UPP2: variants seen among roughly 807,000 people sequenced by gnomAD.
UPP2 encodes the protein uridine phosphorylase 2.
Under a neutral mutation model 26.7 loss-of-function variants are expected in UPP2, and 23 were observed. The observed-to-expected ratio is 0.86, with a 90% CI of 0.62 to 1.22. The LOEUF (loss-of-function observed/expected upper bound fraction) is 1.22. UPP2 is among the 50% of genes most tolerant of loss of function. The pLI is 0.00. For synonymous variants in UPP2, 127 were observed against 141.3 expected (o/e 0.90, Z 0.72); for missense variants, 387 against 396.7 (o/e 0.98, Z 0.21).
chr2:158,020,781 G>T lies in UPP2; in HGVS notation c.147+4895G>T, dbSNP rs373312822. 1.4e-4 allele frequency among the ~76,000 whole-genome samples: 21 copies of T among 152,344 alleles called. 1 individual carries two copies. Among genetic ancestry groups the T allele is most frequent in the Admixed American group, 9.1e-4 (14 of 15,308 alleles). ...TAAACACAATCCCTGTGGACCAGAGGCCAGTGAGCTGGCATAAATAAGTGG... is the reference window on the plus strand; with the variant it reads ...TAAACACAATCCCTGTGGACCAGAGTCCAGTGAGCTGGCATAAATAAGTGG... On this transcript the variant is annotated intron_variant, in intron 3 of 9. Transcript: ENST00000605860.
chr2:158,050,283 G>A (rs981727), intron 3 of UPP2, among the ~76,000 whole-genome samples: 106,403 of 152,094 alleles, frequency 0.7, 37,424 homozygotes, highest in African/African-American at 0.73. Context: ...TTAAGAAAGT[G>A]TGAGAGGCAT....
At chr2:158,075,351 A>T (rs573172669) in intron 3 of UPP2, among the ~76,000 whole-genome samples, 1 of 152,168 alleles carries the variant, frequency 6.6e-6, no homozygotes, top group East Asian at 1.9e-4. Context: ...TAAAAATGTG[A>T]ATGTTTTAAG....
chr2:158,105,787 T>G (rs1323611158), intron 1 of UPP2, among the ~76,000 whole-genome samples: 1 of 152,214 alleles, frequency 6.6e-6, no homozygotes, highest in African/African-American at 2.4e-5. Flanking sequence ...GTTGTTAATC[T>G]TGCACAAGTT....
chr2:158,081,036 T>C (rs1358259297), intron 3 of UPP2, among the ~76,000 whole-genome samples: 1 of 152,208 alleles, frequency 6.6e-6, no homozygotes, highest in Non-Finnish European at 1.5e-5. Flanking sequence ...CTCTTCTAAA[T>C]GTTGATTTAG....
chr2:158,093,275 C>CAT (rs1682938211), intron 3 of UPP2, among the ~76,000 whole-genome samples: 1 of 144,102 alleles, frequency 6.9e-6, no homozygotes, highest in African/African-American at 2.6e-5. Context: ...GAAACATACA[C>CAT]ACACACACAC....
chr2:158,062,416 C>T (rs959110701), intron 3 of UPP2, among the ~76,000 whole-genome samples: 2 of 152,180 alleles, frequency 1.3e-5, no homozygotes, highest in African/African-American at 4.8e-5. Flanking sequence ...GGTCTTCTCC[C>T]TGGCCATTTC....
chr2:158,053,979 A>C (rs116542343), intron 3 of UPP2, among the ~76,000 whole-genome samples: 5,778 of 152,292 alleles, frequency 0.038, 352 homozygotes, highest in African/African-American at 0.13. Context: ...TTACAGCAAA[A>C]TATTAGTAGC....
chr2:158,031,064 AT>A (rs1334338397), intron 3 of UPP2, among the ~76,000 whole-genome samples: 1 of 152,156 alleles, frequency 6.6e-6, no homozygotes, highest in Admixed American at 6.5e-5. Flanking sequence ...ATTTATGAGA[AT>A]AAAAATAAGA....
At chr2:158,098,548 A>G (rs561792107), upstream of UPP2, among the ~76,000 whole-genome samples, 6 of 152,256 alleles carry the variant, frequency 3.9e-5, 1 homozygote, top group South Asian at 1.2e-3. Context: ...ACAGCGGACA[A>G]TGCCTGAGCT....
intron 3 of UPP2, among the ~76,000 whole-genome samples, chr2:158,072,397 G>A (rs1001044878): frequency 2.0e-5 from 3 of 152,098 alleles, no homozygotes; most frequent in Admixed American, 6.5e-5. Flanking sequence ...CAAGGGTCTG[G>A]GGAAACTTGC....
At chr2:158,083,540 C>T (rs949886880) in intron 3 of UPP2, among the ~76,000 whole-genome samples, 5 of 151,850 alleles carry the variant, frequency 3.3e-5, no homozygotes, top group Non-Finnish European at 7.4e-5. Context: ...GAACATCACA[C>T]ACCAGGGCCC....
At chr2:158,086,113 G>A (rs10180447) in intron 3 of UPP2, among the ~76,000 whole-genome samples, 4,012 of 152,034 alleles carry the variant, frequency 0.026, 190 homozygotes, top group African/African-American at 0.088. Context: ...TAGAATTCAG[G>A]TGTGACTCCA....
chr2:158,014,402 T>C (rs1683628069), intron 2 of UPP2, among the ~76,000 whole-genome samples: 1 of 152,190 alleles, frequency 6.6e-6, no homozygotes, highest in Non-Finnish European at 1.5e-5. Flanking sequence ...TGCTGCAGTA[T>C]TAAGCTGGAA....
intron 2 of UPP2, among the ~76,000 whole-genome samples, chr2:158,005,233 T>C (rs759355499): frequency 2.0e-4 from 30 of 152,224 alleles, no homozygotes; most frequent in Non-Finnish European, 3.8e-4. Flanking sequence ...AATTGTGTTT[T>C]CCAGGCAGCT....
intron 2 of UPP2, chr2:158,015,724 C>G: frequency 2.3e-6 from 1 of 444,112 alleles, no homozygotes; most frequent in Non-Finnish European, 4.5e-6. Flanking sequence ...TGAGCTCTCA[C>G]AAGATTTGGT....
chr2:158,105,785 T>C (rs1683180209), intron 1 of UPP2, among the ~76,000 whole-genome samples: 5 of 152,232 alleles, frequency 3.3e-5, no homozygotes, highest in Admixed American at 3.3e-4. Flanking sequence ...TGGTTGTTAA[T>C]CTTGCACAAG....
chr2:158,031,078 G>A (rs111641757), intron 3 of UPP2, among the ~76,000 whole-genome samples: 4 of 152,100 alleles, frequency 2.6e-5, no homozygotes, highest in African/African-American at 9.6e-5. Context: ...AAATAAGAAG[G>A]CAGCAAAATA....
chr2:158,066,130 T>C (rs994623194), intron 3 of UPP2: 1 of 218,118 alleles, frequency 4.6e-6, no homozygotes, highest in Admixed American at 4.6e-5. Flanking sequence ...TGATTTGTTA[T>C]ACTTATTAGC....
chr2:158,116,766 T>C (rs757584564), intron 3 of UPP2, among the ~76,000 whole-genome samples: 29 of 152,362 alleles, frequency 1.9e-4, no homozygotes, highest in Admixed American at 8.5e-4. Flanking sequence ...AGAGCATTTA[T>C]TCATTAGTCA....
Sources: gnomAD v4.1 joint callset for allele counts (sites outside exome capture counted in the v4.1 genomes callset) on GRCh38, gnomAD v4.1.1 for gene constraint, MANE v1.5 for transcripts, NCBI Gene and HGNC (gene_info 2026-07-23, HGNC 2026-07-21) for gene names.